RFX4: variants seen among roughly 807,000 people sequenced by gnomAD.
The protein encoded by RFX4 is regulatory factor X4.
In RFX4, 10 loss-of-function variants were observed where a neutral mutation model predicts 95.0. The observed-to-expected ratio is 0.11, with a 90% CI of 0.06 to 0.18. The LOEUF is 0.18. Among genes scored for constraint, RFX4 ranks in the 10% least tolerant of loss-of-function variants. The pLI is 1.00. For missense variants in RFX4, 640 were observed against 922.0 expected, an observed-to-expected ratio of 0.69 and a Z score of 3.96; for synonymous variants, 321 against 340.7, an observed-to-expected ratio of 0.94 and a Z score of 0.64.
chr12:106,622,333 G>A (rs181492467), intron 2 of RFX4, among the ~76,000 whole-genome samples: 115 of 152,164 alleles, frequency 7.6e-4, no homozygotes, highest in Non-Finnish European at 1.3e-3. Flanking sequence ...CTACTATGTA[G>A]AGATAACCAT....
At chr12:106,733,366 T>C in intron 15 of RFX4, 1 of 295,642 alleles carries the variant, frequency 3.4e-6, no homozygotes, top group East Asian at 6.4e-5. Flanking sequence ...TCTCCCACAA[T>C]CTCCAAAAGA....
At position 106,583,460 on chromosome 12, in the gene RFX4, C is replaced by G. The variant is rs2039403248; in HGVS notation, c.43+97C>G. 7.4e-5 allele frequency: 90 copies of G among 1,220,400 alleles called. No homozygotes were observed. In the South Asian group the frequency reaches 1.4e-3, roughly 19 times the overall value. 75.6% of individuals were successfully genotyped at this position (1,220,400 alleles called of 1,614,324 possible). ...GAAGTTGGGAAAAGTTCAGACGGGT[C>G]AACTTGACAGTGGAACCCCAAAGAA... On this transcript the variant is annotated intron_variant, in intron 1 of 17. Coordinates refer to ENST00000392842, the MANE Select transcript of RFX4 (RefSeq NM_213594.3).
In RFX4 at chr12:106,682,070, C is replaced by A; in HGVS notation, c.377+16C>A. The A allele has an allele frequency of 6.2e-7, 1 of 1,613,888 alleles. No individual in the cohort carries two copies. The highest frequency in any genetic ancestry group is 1.1e-5 in the South Asian group (1 of 91,080). On this transcript the variant is annotated intron_variant, in intron 5 of 17. Coordinates refer to ENST00000392842, the MANE Select transcript of RFX4 (RefSeq NM_213594.3). ...GACAGTCAAAGTAAGCACCGGACGG[C>A]CATTCCACCTGCAGAGCGCACATCT... is the stretch of plus-strand genomic sequence containing the variant.
intron 8 of RFX4, among the ~76,000 whole-genome samples, chr12:106,704,345 TCTTAGCCTGCAAGG>T (rs1349649783): frequency 6.6e-6 from 1 of 152,200 alleles, no homozygotes; most frequent in Non-Finnish European, 1.5e-5. Flanking sequence ...ACTACTGCAA[TCTTAGCCTGCAAGG>T]CTTACAAATC....
At chr12:106,749,115 T>G (rs569042042) in intron 16 of RFX4, among the ~76,000 whole-genome samples, 100 of 146,760 alleles carry the variant, frequency 6.8e-4, no homozygotes, top group African/African-American at 2.2e-3. Flanking sequence ...AAAAATTAGC[T>G]GGGCATGGTG....
At chr12:106,643,082 C>G (rs1466991128) in intron 3 of RFX4, among the ~76,000 whole-genome samples, 3 of 152,182 alleles carry the variant, frequency 2.0e-5, no homozygotes, top group Non-Finnish European at 4.4e-5. Context: ...AGCAACGGAT[C>G]CAGACCTTTA....
chr12:106,742,517 A>C (rs902609510), intron 15 of RFX4, among the ~76,000 whole-genome samples: 2 of 152,168 alleles, frequency 1.3e-5, no homozygotes, highest in Non-Finnish European at 2.9e-5. Flanking sequence ...AACATACAGA[A>C]TGTGTGACAG....
In RFX4 at chr12:106,730,698, A is replaced by G. The variant is rs111802511; in HGVS notation, c.1352-1432A>G. Among the ~76,000 whole-genome samples the G allele has an allele frequency of 6.0e-3, 913 of 152,334 alleles. 10 individuals carry two copies. The highest frequency in any genetic ancestry group is 0.021 in the African/African-American group (857 of 41,580). On this transcript the variant is annotated intron_variant, in intron 13 of 17. Coordinates refer to ENST00000392842, the MANE Select transcript of RFX4 (RefSeq NM_213594.3). ...AATGACAAAAAAAATAATGCCAGAGAGTCCCGTAAAGTCTCTAAAAGGCTG... is the reference window on the plus strand; with the variant it reads ...AATGACAAAAAAAATAATGCCAGAGGGTCCCGTAAAGTCTCTAAAAGGCTG...
intron 2 of RFX4, among the ~76,000 whole-genome samples, chr12:106,632,865 G>A (rs985954980): frequency 3.9e-5 from 6 of 152,164 alleles, no homozygotes; most frequent in African/African-American, 9.7e-5. Context: ...GCACGCCACC[G>A]TATCTGGCAC....
intron 15 of RFX4, among the ~76,000 whole-genome samples, 158 bp from the exon 16 acceptor site, chr12:106,747,279 G>A (rs7961907): frequency 6.6e-6 from 1 of 152,186 alleles, no homozygotes; most frequent in African/African-American, 2.4e-5. Flanking sequence ...AAAGACAGGG[G>A]ATGGGGGATG....
At chr12:106,613,646 G>A (rs1323418672) in intron 2 of RFX4, among the ~76,000 whole-genome samples, 2 of 152,120 alleles carry the variant, frequency 1.3e-5, no homozygotes, top group East Asian at 3.9e-4. Context: ...TTATAGGTGT[G>A]AGCCACCACG....
At chr12:106,716,855 C>G (rs977561635) in intron 11 of RFX4, among the ~76,000 whole-genome samples, 2 of 152,070 alleles carry the variant, frequency 1.3e-5, no homozygotes, top group Non-Finnish European at 2.9e-5. Context: ...GATGAGAAAA[C>G]TCAGGCTTAG....
chr12:106,590,803 C>T (rs918835628), intron 1 of RFX4, among the ~76,000 whole-genome samples: 5 of 152,018 alleles, frequency 3.3e-5, no homozygotes, highest in African/African-American at 1.2e-4. Context: ...AAAAATTAGA[C>T]GGACATGGTG....
At chr12:106,645,257 C>T (rs747350568) in intron 3 of RFX4, among the ~76,000 whole-genome samples, 47 of 152,256 alleles carry the variant, frequency 3.1e-4, no homozygotes, top group Non-Finnish European at 4.7e-4. Flanking sequence ...GAATCCCGGC[C>T]GCACAATAAC....
At chr12:106,647,922 G>A (rs958313041) in intron 3 of RFX4, among the ~76,000 whole-genome samples, 6 of 152,114 alleles carry the variant, frequency 3.9e-5, no homozygotes, top group African/African-American at 1.2e-4. Context: ...AGTGGTGGAG[G>A]CAGGATTCAA....
In RFX4 at chr12:106,720,809, C is replaced by T; in HGVS notation, c.1284C>T (p.Leu428=). 1.2e-6 allele frequency: 2 copies of T among 1,613,850 alleles called. No homozygotes were observed. The highest frequency in any genetic ancestry group is 1.7e-6 in the Non-Finnish European group (2 of 1,180,042). ...TGAAGAAAGTGGCCCAGCAGTTCCT[C>T]TTGATGTGGTCCTGTTTCGGCACAA... The part of the protein sequence containing the change: ...GSLKKVAQQF[L]LMWSCFGTRV... The change falls in exon 13 of 18, where the codon CTC becomes CTT. Residue 428 remains leucine (L), a synonymous_variant. Coordinates refer to ENST00000392842, the MANE Select transcript of RFX4 (RefSeq NM_213594.3). This position sits in a 1 kb window ranked among gnomAD's most constrained non-coding sequence, Gnocchi z 4.2.
intron 15 of RFX4, among the ~76,000 whole-genome samples, chr12:106,734,760 A>C (rs954413423): frequency 3.3e-5 from 5 of 151,942 alleles, no homozygotes; most frequent in Non-Finnish European, 2.9e-5. Context: ...TATTGTTAAG[A>C]TGAGAACTAA....
chr12:106,681,184 G>A (rs986815763), intron 4 of RFX4: 2 of 152,184 alleles, frequency 1.3e-5, no homozygotes, highest in Non-Finnish European at 2.9e-5. Context: ...GATACCCCTA[G>A]GCTTTCATTC....
intron 2 of RFX4, among the ~76,000 whole-genome samples, chr12:106,627,939 C>T (rs1450716107): frequency 2.0e-5 from 3 of 152,324 alleles, no homozygotes; most frequent in Non-Finnish European, 1.5e-5. Context: ...GAGTCCAGGA[C>T]AGGATTCAAC....
Sources: allele counts gnomAD v4.1 joint callset (sites outside exome capture counted in the v4.1 genomes callset), GRCh38; gene constraint gnomAD v4.1.1; non-coding constraint Gnocchi (gnomAD v3.1); transcripts MANE v1.5; gene names NCBI Gene and HGNC (gene_info 2026-07-23, HGNC 2026-07-21).